The following DGKH variants were observed in gnomAD, a reference collection of about 807,000 sequenced individuals.
DGKH encodes the protein diacylglycerol kinase eta.
DGKH carries 90 observed loss-of-function variants against 159.3 expected under a neutral mutation model. The observed-to-expected ratio is 0.57, with a 90% CI of 0.48 to 0.67. The LOEUF (loss-of-function observed/expected upper bound fraction) is 0.67, where lower values mean the gene tolerates loss of function less well. Ranked by LOEUF, DGKH falls within the 30% of genes least tolerant of loss-of-function variation. The pLI is 0.00. For missense variants in DGKH, 1,181 were observed against 1,506.1 expected (o/e 0.78, Z 3.57); for synonymous variants, 536 against 553.8 (o/e 0.97, Z 0.45).
chr13:42,214,356 G>T, intron 24 of DGKH, 151 bp from the exon 25 acceptor site: 1 of 550,908 alleles, frequency 1.8e-6, no homozygotes, highest in Non-Finnish European at 3.0e-6. Context: ...ATCTACCTGT[G>T]CCATTCATAA....
chr13:42,221,468 A>G (rs1186671568), intron 29 of DGKH, 74 bp downstream of exon 29: 2 of 1,573,568 alleles, frequency 1.3e-6, no homozygotes, highest in Non-Finnish European at 1.7e-6. Context: ...GCCTCTTCTG[A>G]TACTTGCTTT....
chr13:42,182,240 T>G (rs1476061194), intron 13 of DGKH, among the ~76,000 whole-genome samples: 20 of 152,282 alleles, frequency 1.3e-4, no homozygotes, highest in Admixed American at 1.3e-3. Context: ...TTTATTTTTA[T>G]GGACATTTTC....
chr13:42,178,896 C>T (rs768119472), intron 13 of DGKH, among the ~76,000 whole-genome samples: 2 of 151,598 alleles, frequency 1.3e-5, no homozygotes, highest in Non-Finnish European at 2.9e-5. Flanking sequence ...TTAGCAAGCA[C>T]GGGTTACTGT....
At chr13:42,215,530 C>G in intron 25 of DGKH, 45 bp from the exon 26 acceptor site, 2 of 1,373,816 alleles carry the variant, frequency 1.5e-6, no homozygotes. Context: ...TAATGAAATC[C>G]TATTTTAATA....
chr13:42,132,869 T>TA (rs891602712), intron 3 of DGKH, among the ~76,000 whole-genome samples: 23 of 151,942 alleles, frequency 1.5e-4, no homozygotes, highest in African/African-American at 5.3e-4. Flanking sequence ...AGACCCTGTC[T>TA]AAAAAAAATT....
chr13:42,144,666 A>T (rs1955673614), intron 3 of DGKH, among the ~76,000 whole-genome samples: 1 of 150,932 alleles, frequency 6.6e-6, no homozygotes, highest in African/African-American at 2.4e-5. Context: ...TGGGTGGTAG[A>T]GTGAGACTGT....
At chr13:42,202,832 A>T (rs1957379598) in intron 20 of DGKH, among the ~76,000 whole-genome samples, 1 of 152,154 alleles carries the variant, frequency 6.6e-6, no homozygotes, top group South Asian at 2.1e-4. Flanking sequence ...AATTCCAAAC[A>T]TTTTTTGTAA....
chr13:42,157,561 G>A (rs911252361), intron 5 of DGKH, among the ~76,000 whole-genome samples: 1 of 152,164 alleles, frequency 6.6e-6, no homozygotes, highest in Admixed American at 6.5e-5. Context: ...GCCAAGGCAG[G>A]CGGATCACCT....
chr13:42,190,306 T>C, intron 15 of DGKH, 97 bp from the exon 16 acceptor site: 1 of 1,422,136 alleles, frequency 7.0e-7, no homozygotes, highest in East Asian at 2.6e-5. Context: ...GGAATTTTGT[T>C]TGGCATATGT....
In DGKH at chr13:42,155,302, A is replaced by T. The variant is rs752869621; in HGVS notation, c.396A>T (p.Pro132=). ...NANNSFTIIT[P]FRRLMLCAEN... is the part of the protein sequence containing the mutation. ...ATTATCCCTTTCAGATCATCACTCC[A>T]TTCAGAAGGCTAATGCTGTGTGCTG... The change falls in exon 4 of 30, where the codon CCA becomes CCT. Residue 132 remains proline, a synonymous_variant. Transcript: ENST00000337343. 75 of 1,601,646 alleles carry T rather than the reference A, an allele frequency of 4.7e-5. No homozygotes were observed. The highest frequency in any genetic ancestry group is 1.4e-4 in the Admixed American group (8 of 55,660).
chr13:42,204,419 GA>G (rs1311944154), intron 20 of DGKH, among the ~76,000 whole-genome samples: 7 of 152,202 alleles, frequency 4.6e-5, no homozygotes, highest in Non-Finnish European at 1.5e-5. Context: ...GTGTTTTCAT[GA>G]AAAAGAAGAA....
chr13:42,251,948 T>G (rs902788633), intron 29 of DGKH, among the ~76,000 whole-genome samples: 1 of 152,246 alleles, frequency 6.6e-6, no homozygotes, highest in Non-Finnish European at 1.5e-5. Context: ...CTCATCACGC[T>G]GCACAAAGTT....
At chr13:42,214,249 G>A (rs1241170734) in intron 24 of DGKH, among the ~76,000 whole-genome samples, 2 of 151,998 alleles carry the variant, frequency 1.3e-5, no homozygotes, top group Non-Finnish European at 2.9e-5. Context: ...CTTCAAAATA[G>A]CACTTCAATA....
chr13:42,254,166 A>G (rs573447615), intron 30 of DGKH, among the ~76,000 whole-genome samples: 70 of 152,336 alleles, frequency 4.6e-4, no homozygotes, highest in African/African-American at 4.1e-4. Context: ...CTTAGAATCT[A>G]TCCCTTGAAA....
At chr13:42,207,708 T>TATAC (rs1399378430) in intron 21 of DGKH, among the ~76,000 whole-genome samples, 4 of 147,666 alleles carry the variant, frequency 2.7e-5, no homozygotes, top group Non-Finnish European at 6.0e-5. Flanking sequence ...TATATATATA[T>TATAC]ATATATATCA....
intron 29 of DGKH, among the ~76,000 whole-genome samples, chr13:42,228,140 A>T (rs1315366764): frequency 6.6e-6 from 1 of 152,162 alleles, no homozygotes; most frequent in Admixed American, 6.5e-5. Context: ...TCACCCTTGG[A>T]TAGGTTTAAT....
rs564668924 is a variant in DGKH, at chr13:42,130,663, A to G, written c.384+1031A>G. Among the ~76,000 whole-genome samples, 37 of 152,274 alleles carry G rather than the reference A, an allele frequency of 2.4e-4. No individual in the cohort carries two copies. The South Asian group carries it at 6.6e-3, about 27-fold the overall frequency. ...CTAGGCATGACAGAGCAGGGGAGAC[A>G]GACTGCTAAACAGGTGCACAGCGGT... is the stretch of plus-strand genomic sequence containing the variant. On this transcript the variant is annotated intron_variant, in intron 3 of 29. Coordinates refer to ENST00000337343, the MANE Select transcript of DGKH (RefSeq NM_178009.5).
At chr13:42,213,097 T>C (rs529706578) in intron 24 of DGKH, among the ~76,000 whole-genome samples, 84 of 152,204 alleles carry the variant, frequency 5.5e-4, no homozygotes, top group African/African-American at 2.0e-3. Flanking sequence ...TGGGCTGTTC[T>C]AGAAGTAGTG....
At chr13:42,099,766 T>C (rs573808126) in intron 1 of DGKH, among the ~76,000 whole-genome samples, 1 of 152,090 alleles carries the variant, frequency 6.6e-6, no homozygotes, top group East Asian at 1.9e-4. Flanking sequence ...GAAGGTGAAA[T>C]GTGTTGTCGA....
Sources: allele counts gnomAD v4.1 joint callset (sites outside exome capture counted in the v4.1 genomes callset), GRCh38; gene constraint gnomAD v4.1.1; transcripts MANE v1.5; gene names NCBI Gene and HGNC (gene_info 2026-07-23, HGNC 2026-07-21).